The following RFX1 variants were observed in gnomAD, a reference collection of about 807,000 sequenced individuals.
The protein encoded by RFX1 is MHC class II regulatory factor RFX1.
RFX1 carries 42 observed loss-of-function variants against 119.6 expected under a neutral mutation model. The observed-to-expected ratio is 0.35, with a 90% CI of 0.27 to 0.45. RFX1 has a LOEUF of 0.45. Ranked by LOEUF, RFX1 falls within the 20% of genes least tolerant of loss-of-function variation. The pLI, the probability that RFX1 is intolerant of heterozygous loss-of-function variation, is 1.00. For synonymous variants in RFX1, 628 were observed against 618.5 expected, an observed-to-expected ratio of 1.02 and a Z score of -0.23; for missense variants, 1,118 against 1,368.1, an observed-to-expected ratio of 0.82 and a Z score of 2.88.
At chr19:13,982,848 G>C (rs989130072) in intron 4 of RFX1, among the ~76,000 whole-genome samples, 3 of 152,230 alleles carry the variant, frequency 2.0e-5, no homozygotes, top group East Asian at 3.8e-4. Flanking sequence ...GCAGCCTTCT[G>C]GGGGACAGAC....
rs1429369010 is a variant in RFX1 at position 13,965,359 on chromosome 19, G to A, written c.2211+90C>T. 25 of 1,161,904 alleles carry A rather than the reference G, an allele frequency of 2.2e-5. No homozygotes were observed. Among genetic ancestry groups the A allele is most frequent in the East Asian group, 1.9e-4 (8 of 42,516 alleles). 72.0% of individuals were successfully genotyped at this position (1,161,904 alleles called of 1,614,324 possible). On this transcript the variant is annotated intron_variant, in intron 16 of 20. Coordinates refer to ENST00000254325, the MANE Select transcript of RFX1 (RefSeq NM_002918.5). The surrounding 1 kb of genome is among the most constrained non-coding windows in gnomAD (Gnocchi z 4.7). ...CACAGGCATCATCCCTGGAACAGGCGTGGGGACAAATTTTACCGCCCCTGG... is the reference window on the plus strand; with the variant it reads ...CACAGGCATCATCCCTGGAACAGGCATGGGGACAAATTTTACCGCCCCTGG...
chr19:13,973,567 A>G (rs976999014), intron 8 of RFX1, among the ~76,000 whole-genome samples: 2 of 152,148 alleles, frequency 1.3e-5, no homozygotes, highest in Admixed American at 6.6e-5. Flanking sequence ...AGCTATAACC[A>G]TACTACCACT....
intron 1 of RFX1, among the ~76,000 whole-genome samples, chr19:14,002,875 C>T (rs1313827012): frequency 6.6e-6 from 1 of 152,230 alleles, no homozygotes. Flanking sequence ...GACCTCGGCT[C>T]CAGAGACGCC....
chr19:13,979,588 C>T (rs756646205), intron 6 of RFX1, 46 bp from the exon 7 acceptor site: 2 of 1,395,088 alleles, frequency 1.4e-6, no homozygotes, highest in South Asian at 1.3e-5. Context: ...CAACGATGGC[C>T]GTCAACCTAC....
In RFX1 at chr19:13,962,470, G is replaced by C; in HGVS notation, c.*225C>G. ...CCGCGGGGCACCTGGGCACGCGGCG[G>C]GTTCCTTAAGGCACGTCTTTTGTGT... On this transcript the variant is annotated 3_prime_UTR_variant, in exon 21 of 21. Transcript: ENST00000254325. 1 of 523,546 alleles carries C rather than the reference G, an allele frequency of 1.9e-6. No individual in the cohort carries two copies. Among genetic ancestry groups the C allele is most frequent in the Admixed American group, 3.9e-5 (1 of 25,640 alleles). The allele number at this position is 523,546 out of a possible 1,614,324, so 32.4% of individuals were successfully genotyped here.
chr19:14,003,729 A>T (rs921517148), intron 1 of RFX1, among the ~76,000 whole-genome samples: 6 of 152,118 alleles, frequency 3.9e-5, no homozygotes, highest in Non-Finnish European at 8.8e-5. Flanking sequence ...GGCCCAGAAA[A>T]CTTAAGTAAC....
intron 1 of RFX1, among the ~76,000 whole-genome samples, chr19:14,000,180 T>C (rs1020815607): frequency 6.6e-6 from 1 of 152,138 alleles, no homozygotes; most frequent in Non-Finnish European, 1.5e-5. Context: ...ATTTGTCAAT[T>C]ACTCCTCCAA....
chr19:13,988,130 G>A (rs1175523010), intron 2 of RFX1, among the ~76,000 whole-genome samples: 2 of 151,350 alleles, frequency 1.3e-5, no homozygotes, highest in Non-Finnish European at 2.9e-5. Flanking sequence ...AGGTTCGAGC[G>A]ATTCTCCTGC....
At chr19:14,002,420 G>C (rs923219172) in intron 1 of RFX1, among the ~76,000 whole-genome samples, 1 of 151,916 alleles carries the variant, frequency 6.6e-6, no homozygotes, top group African/African-American at 2.4e-5. Context: ...GGGAGGTGGA[G>C]GTTGCGGTGA....
In RFX1 at chr19:13,966,418, C is replaced by T; in HGVS notation, c.1961+3G>A. 3 of 1,596,332 alleles carry T rather than the reference C, an allele frequency of 1.9e-6. No homozygotes were observed. Among genetic ancestry groups the T allele is most frequent in the Non-Finnish European group, 2.6e-6 (3 of 1,165,200 alleles). ...CCTCCCACAGTCGCCGGGCAGTACT[C>T]ACACAGCCAGCGGTGGCGCCTCACT... On this transcript the variant is annotated splice_donor_region_variant and intron_variant, in intron 14 of 20. Transcript: ENST00000254325. This position sits in a 1 kb window ranked among gnomAD's most constrained non-coding sequence, Gnocchi z 6.3.
chr19:14,003,484 G>A (rs1392929037), intron 1 of RFX1, among the ~76,000 whole-genome samples: 1 of 151,996 alleles, frequency 6.6e-6, no homozygotes, highest in African/African-American at 2.4e-5. Flanking sequence ...GATTCAAAAT[G>A]ATAAAAATAA....
intron 2 of RFX1, 21 bp from the exon 3 acceptor site, chr19:13,983,616 G>A (rs1228395002): frequency 1.3e-6 from 2 of 1,565,730 alleles, no homozygotes; most frequent in Middle Eastern, 3.3e-4. Context: ...GGGCCACCAG[G>A]TCAGTTCTTC....
chr19:13,962,886 C>A lies in RFX1; in HGVS notation c.2771-22G>T, dbSNP rs773868586. ...TCGTCTGGAACACAGGGACCAAGTC[C>A]GGCTCGGGGCGGGGTGGCAACGCCC... On this transcript the variant is annotated intron_variant, in intron 20 of 20. Coordinates refer to ENST00000254325, the MANE Select transcript of RFX1 (RefSeq NM_002918.5). 3.3e-6 allele frequency: 5 copies of A among 1,532,698 alleles called. No homozygotes were observed. In the East Asian group the frequency reaches 9.9e-5, roughly 30 times the overall value. 94.9% of individuals were successfully genotyped at this position (1,532,698 alleles called of 1,614,324 possible).
intron 1 of RFX1, among the ~76,000 whole-genome samples, chr19:13,994,780 A>G (rs1214042487): frequency 7.1e-6 from 1 of 141,540 alleles, no homozygotes; most frequent in Admixed American, 7.3e-5. Flanking sequence ...TATATATTGA[A>G]ATCTACATGT....
Position 13,981,706 on chromosome 19 carries a change from T to C in RFX1, c.621+415A>G, listed in dbSNP as rs113105551. Among the ~76,000 whole-genome samples the C allele has an allele frequency of 9.2e-3, 1,402 of 152,324 alleles. 24 individuals carry two copies. The highest frequency in any genetic ancestry group is 0.032 in the African/African-American group (1,319 of 41,576). ...TGATGCAGACAGCATCCACAGCCTG[T>C]CTTCAACACCCTCATTGGTGTTGTG... is the stretch of plus-strand genomic sequence containing the variant. On this transcript the variant is annotated intron_variant, in intron 5 of 20. Transcript: ENST00000254325.
At chr19:13,991,737 C>T (rs1305538328) in intron 2 of RFX1, among the ~76,000 whole-genome samples, 17 of 150,178 alleles carry the variant, frequency 1.1e-4, no homozygotes. Flanking sequence ...TCTCAGCTCA[C>T]TGCAACCTCT....
intron 17 of RFX1, 41 bp from the exon 18 acceptor site, chr19:13,963,787 CCG>C (rs1568456521): frequency 6.7e-7 from 1 of 1,499,618 alleles, no homozygotes; most frequent in Non-Finnish European, 8.9e-7. Flanking sequence ...GGCTCAGCCG[CCG>C]TCACCCCCGC....
chr19:13,972,866 C>G lies in RFX1; in HGVS notation c.1191G>C (p.Gly397=). Reference sequence around the variant, plus strand: ...CGCCTCCGGTGCTGCCACTGCCACCCCCGCCACCGCCTCCCCCGCCGCCGC... The same window carrying G: ...CGCCTCCGGTGCTGCCACTGCCACCGCCGCCACCGCCTCCCCCGCCGCCGC... The part of the protein sequence containing the change: ...GGGGGGGGGG[G]GGSGSTGGGG... Residue 397 remains glycine (G), a synonymous_variant, in exon 9 of 21, where the codon GGG becomes GGC. Coordinates refer to ENST00000254325, the MANE Select transcript of RFX1 (RefSeq NM_002918.5). 1.3e-6 allele frequency: 2 copies of G among 1,556,012 alleles called. No individual in the cohort carries two copies. The highest frequency in any genetic ancestry group is 2.3e-5 in the South Asian group (2 of 85,614).
At chr19:14,000,292 T>A (rs530129689) in intron 1 of RFX1, among the ~76,000 whole-genome samples, 1 of 152,032 alleles carries the variant, frequency 6.6e-6, no homozygotes, top group South Asian at 2.1e-4. Context: ...TTGAAGCCAG[T>A]CTAGCCAACA....
Sources: gnomAD v4.1 joint callset for allele counts (sites outside exome capture counted in the v4.1 genomes callset) on GRCh38, gnomAD v4.1.1 for gene constraint, Gnocchi (gnomAD v3.1) non-coding constraint, MANE v1.5 for transcripts, NCBI Gene and HGNC (gene_info 2026-07-23, HGNC 2026-07-21) for gene names.